Variants in SLC15A1 observed in about 807,000 individuals in gnomAD.
SLC15A1 encodes Caco-2 oligopeptide transporter.
Under a neutral mutation model 92.9 loss-of-function variants are expected in SLC15A1, and 83 were observed. The observed-to-expected ratio is 0.89, with a 90% CI of 0.75 to 1.07. The LOEUF is 1.07. Ranked by LOEUF, SLC15A1 falls within the 50% of genes least tolerant of loss-of-function variation. The pLI is 0.00. For synonymous variants in SLC15A1, 322 were observed against 318.2 expected, an observed-to-expected ratio of 1.01 and a Z score of -0.13; for missense variants, 857 against 880.1, an observed-to-expected ratio of 0.97 and a Z score of 0.33.
intron 1 of SLC15A1, among the ~76,000 whole-genome samples, chr13:98,741,665 A>G (rs938173886): frequency 2.1e-5 from 3 of 146,142 alleles, no homozygotes; most frequent in African/African-American, 7.6e-5. Context: ...TGGAGGTTGC[A>G]GTGAGCTGAG....
At chr13:98,744,263 AG>A (rs373206164) in intron 1 of SLC15A1, among the ~76,000 whole-genome samples, 56 of 149,334 alleles carry the variant, frequency 3.7e-4, no homozygotes, top group African/African-American at 1.2e-3. Flanking sequence ...AAAAAAAAAA[AG>A]AACCAATCTC....
rs1365263147 is a variant in SLC15A1, at chr13:98,706,142, T to C, written c.1261A>G (p.Met421Val). ...LPGEMVTLGP[M>V]SQTNAFMTFD... Reference sequence around the variant, plus strand: ...AATTTCCTTCTACTTACTTGAGACATTGGGCCAAGTGTCACCATCTCTCCA... The same window carrying C: ...AATTTCCTTCTACTTACTTGAGACACTGGGCCAAGTGTCACCATCTCTCCA... Residue 421 changes from methionine (M) to valine (V), a missense_variant, in exon 16 of 23, where the codon ATG (methionine) becomes GTG (valine). Met to Val is a conservative substitution (Grantham distance 21, BLOSUM62 1). Coordinates refer to ENST00000376503, the MANE Select transcript of SLC15A1 (RefSeq NM_005073.4). 3 of 1,608,580 alleles carry C rather than the reference T, an allele frequency of 1.9e-6. No homozygotes were observed. Among genetic ancestry groups the C allele is most frequent in the Non-Finnish European group, 2.5e-6 (3 of 1,178,836 alleles).
At chr13:98,725,041 T>A (rs2088287794) in intron 4 of SLC15A1, among the ~76,000 whole-genome samples, 2 of 151,988 alleles carry the variant, frequency 1.3e-5, no homozygotes, top group African/African-American at 4.8e-5. Context: ...CATGAGTGAG[T>A]TCCTGCAAGA....
At position 98,688,836 on chromosome 13, in the gene SLC15A1, T is replaced by C. The variant is rs138118087; in HGVS notation, c.1467-259A>G. On this transcript the variant is annotated intron_variant, in intron 18 of 22. Coordinates refer to ENST00000376503, the MANE Select transcript of SLC15A1 (RefSeq NM_005073.4). ...TACTGCTCTAAGTACTTTGTAAATC[T>C]AACCTAGTTCAATACATTAGGAATA... is the stretch of plus-strand genomic sequence containing the variant. 1.3e-3 allele frequency among the ~76,000 whole-genome samples: 191 copies of C among 152,352 alleles called. 1 individual carries two copies. Among genetic ancestry groups the C allele is most frequent in the African/African-American group, 4.3e-3 (180 of 41,576 alleles).
intron 4 of SLC15A1, among the ~76,000 whole-genome samples, chr13:98,724,691 T>G (rs569777606): frequency 8.5e-5 from 13 of 152,244 alleles, no homozygotes; most frequent in African/African-American, 2.9e-4. Context: ...GCCAGGATGG[T>G]CTCGATCTCC....
chr13:98,701,078 A>G (rs2088063239), intron 18 of SLC15A1, among the ~76,000 whole-genome samples: 1 of 152,194 alleles, frequency 6.6e-6, no homozygotes, highest in Admixed American at 6.5e-5. Flanking sequence ...AAATAATGCT[A>G]CGATTTTGAT....
intron 18 of SLC15A1, among the ~76,000 whole-genome samples, chr13:98,694,247 C>T (rs1421080653): frequency 2.6e-5 from 4 of 152,040 alleles, no homozygotes; most frequent in Non-Finnish European, 5.9e-5. Context: ...TTGAAATGAA[C>T]TGAACTTAAA....
chr13:98,704,368 G>A lies in SLC15A1; in HGVS notation c.1337C>T (p.Pro446Leu). The change falls in exon 17 of 23, where the codon CCA (proline) becomes CTA (leucine). Residue 446 changes from proline (P) to leucine (L), a missense_variant. Pro to Leu is a moderately conservative substitution (Grantham distance 98). Transcript: ENST00000376503. Reference sequence around the variant, plus strand: ...GAAGTCGTCAGTTACAGCAGTGACTGGTGATCCAGGAGAAGAAATGTTTAT... The same window carrying A: ...GAAGTCGTCAGTTACAGCAGTGACTAGTGATCCAGGAGAAGAAATGTTTAT... ...TRINISSPGS[P>L]VTAVTDDFKQ... is the part of the protein sequence containing the mutation. The A allele has an allele frequency of 6.2e-7, 1 of 1,613,924 alleles. No homozygotes were observed.
chr13:98,711,960 G>A lies in SLC15A1; in HGVS notation c.811-17C>T. 1.3e-6 allele frequency: 2 copies of A among 1,592,032 alleles called. No individual in the cohort carries two copies. The highest frequency in any genetic ancestry group is 1.7e-5 in the Admixed American group (1 of 59,974). On this transcript the variant is annotated splice_polypyrimidine_tract_variant and intron_variant, in intron 10 of 22. Transcript: ENST00000376503. ...GAGCCGCTCCTGTAGTTGGAGTGGG[G>A]AAGGGACAAATCAGCCACACCCTGT...
chr13:98,724,739 C>T (rs770965845), intron 4 of SLC15A1, among the ~76,000 whole-genome samples: 9 of 152,170 alleles, frequency 5.9e-5, no homozygotes, highest in Non-Finnish European at 1.2e-4. Flanking sequence ...TCCCAAAGTG[C>T]TGGGATTACA....
chr13:98,742,813 T>G (rs1357543132), intron 1 of SLC15A1, among the ~76,000 whole-genome samples: 1 of 152,246 alleles, frequency 6.6e-6, no homozygotes, highest in African/African-American at 2.4e-5. Flanking sequence ...TCTCACTCTG[T>G]TGCCCAGGCT....
intron 9 of SLC15A1, 61 bp from the exon 10 acceptor site, chr13:98,712,645 C>T (rs552261820): frequency 6.5e-6 from 8 of 1,239,570 alleles, no homozygotes; most frequent in Admixed American, 5.6e-5. Context: ...CAGGGAAGCA[C>T]ATTTCAATTA....
chr13:98,686,261 A>T lies in SLC15A1; in HGVS notation c.1864T>A (p.Trp622Arg). ...TTGCCAACAGCCACGGTCAGCAGCC[A>T]TCCTGCCTGAAGCACCGACTTCATG... Reference protein sequence around the residue: ...SNMKSVLQAGWLLTVAVGNII... With the variant: ...SNMKSVLQAGRLLTVAVGNII... Residue 622 changes from tryptophan to arginine, a missense_variant, in exon 22 of 23, where the codon TGG becomes AGG. Coordinates refer to ENST00000376503, the MANE Select transcript of SLC15A1 (RefSeq NM_005073.4). The T allele has an allele frequency of 6.2e-7, 1 of 1,613,334 alleles. No individual in the cohort carries two copies. Among genetic ancestry groups the T allele is most frequent in the Non-Finnish European group, 8.5e-7 (1 of 1,179,742 alleles).
chr13:98,691,074 C>T (rs1719797426), intron 18 of SLC15A1, among the ~76,000 whole-genome samples: 1 of 152,014 alleles, frequency 6.6e-6, no homozygotes, highest in East Asian at 1.9e-4. Context: ...GATGGATTCT[C>T]ACCCTGTTGC....
chr13:98,735,889 T>C (rs1209493142), intron 1 of SLC15A1, among the ~76,000 whole-genome samples: 1 of 152,164 alleles, frequency 6.6e-6, no homozygotes, highest in Admixed American at 6.5e-5. Context: ...ACAGGAAGAA[T>C]TAATATCATG....
chr13:98,725,720 G>T (rs1020471011), intron 4 of SLC15A1, among the ~76,000 whole-genome samples: 1 of 152,102 alleles, frequency 6.6e-6, no homozygotes, highest in Non-Finnish European at 1.5e-5. Flanking sequence ...CTAAGGGTTT[G>T]TTTCTGTTTT....
At chr13:98,739,428 G>T (rs1181175241) in intron 1 of SLC15A1, among the ~76,000 whole-genome samples, 1 of 152,198 alleles carries the variant, frequency 6.6e-6, no homozygotes, top group African/African-American at 2.4e-5. Context: ...CTCAATTGTT[G>T]GAGGTGGGAC....
At chr13:98,747,829 C>T (rs9517429) in intron 1 of SLC15A1, among the ~76,000 whole-genome samples, 2,743 of 151,962 alleles carry the variant, frequency 0.018, 33 homozygotes, top group Middle Eastern at 0.061. Context: ...TGCTGTGAGC[C>T]GAGATTGTGC....
At chr13:98,719,097 A>G in intron 8 of SLC15A1, 140 bp downstream of exon 8, 1 of 630,986 alleles carries the variant, frequency 1.6e-6, no homozygotes, top group Non-Finnish European at 2.9e-6. Flanking sequence ...TACTTAGAGC[A>G]TGTTTAACAT....
Sources: allele counts gnomAD v4.1 joint callset (sites outside exome capture counted in the v4.1 genomes callset), GRCh38; gene constraint gnomAD v4.1.1; transcripts MANE v1.5; gene names NCBI Gene and HGNC (gene_info 2026-07-23, HGNC 2026-07-21).